The following NALF1 variants were observed in gnomAD, a reference collection of about 807,000 sequenced individuals.
The protein encoded by NALF1 is family with sequence similarity 155 member A.
Under a neutral mutation model 48.4 loss-of-function variants are expected in NALF1, and 3 were observed. The observed-to-expected ratio is 0.06, with a 90% CI of 0.03 to 0.16. The LOEUF (loss-of-function observed/expected upper bound fraction) is 0.16, where lower values mean the gene tolerates loss of function less well. Among genes scored for constraint, NALF1 ranks in the 10% least tolerant of loss-of-function variants. The pLI, the probability that NALF1 is intolerant of heterozygous loss-of-function variation, is 1.00. For missense variants in NALF1, 526 were observed against 571.5 expected (o/e 0.92, Z 0.81); for synonymous variants, 262 against 245.7 (o/e 1.07, Z -0.62).
At chr13:107,824,598 C>A (rs1239895213) in intron 1 of NALF1, among the ~76,000 whole-genome samples, 2 of 152,150 alleles carry the variant, frequency 1.3e-5, no homozygotes, top group Non-Finnish European at 2.9e-5. Context: ...CTGTACTAAT[C>A]CAGATTGAGG....
chr13:107,795,261 A>C (rs1037248426), intron 1 of NALF1, among the ~76,000 whole-genome samples: 1 of 152,160 alleles, frequency 6.6e-6, no homozygotes, highest in Admixed American at 6.6e-5. Flanking sequence ...CAACAACCAA[A>C]AACAAACAAA....
chr13:107,442,780 T>TA, intron 1 of NALF1, among the ~76,000 whole-genome samples: 1 of 152,298 alleles, frequency 6.6e-6, no homozygotes, highest in Non-Finnish European at 1.5e-5. Flanking sequence ...AATGCTGGTG[T>TA]AAAAAAGTGA....
rs970430456 is a variant in NALF1, at chr13:107,407,263, A to G, written c.916-196508T>C. Among the ~76,000 whole-genome samples, 3 of 152,154 alleles carry G rather than the reference A, an allele frequency of 2.0e-5. No homozygotes were observed. In the South Asian group the frequency reaches 6.2e-4, roughly 32 times the overall value. ...TAACAAAAGCAAAAATGAACAAATGAGATCATATCAAGTTTAAAAGCTGCA... is the reference window on the plus strand; with the variant it reads ...TAACAAAAGCAAAAATGAACAAATGGGATCATATCAAGTTTAAAAGCTGCA... On this transcript the variant is annotated intron_variant, in intron 1 of 2. Transcript: ENST00000375915.
chr13:107,836,488 A>C (rs143691131), intron 1 of NALF1, among the ~76,000 whole-genome samples: 32 of 152,326 alleles, frequency 2.1e-4, no homozygotes, highest in African/African-American at 6.0e-4. Flanking sequence ...ATCATTAAAA[A>C]TGAGGAATTT....
intron 1 of NALF1, among the ~76,000 whole-genome samples, chr13:107,838,979 C>T (rs1879977768): frequency 6.6e-6 from 1 of 152,150 alleles, no homozygotes; most frequent in African/African-American, 2.4e-5. Flanking sequence ...TCCCCCTCAC[C>T]TGCAGGGGCC....
At chr13:107,715,219 T>G (rs77109186) in intron 1 of NALF1, among the ~76,000 whole-genome samples, 2 of 152,018 alleles carry the variant, frequency 1.3e-5, no homozygotes, top group African/African-American at 4.8e-5. Flanking sequence ...TTTTTTTTTT[T>G]GAAACAGAGT....
At chr13:107,612,572 C>T (rs149377650) in intron 1 of NALF1, among the ~76,000 whole-genome samples, 3,061 of 152,100 alleles carry the variant, frequency 0.02, 55 homozygotes, top group Non-Finnish European at 0.035. Context: ...GGGCCTTGTG[C>T]GATCAGTTGA....
At chr13:107,520,277 T>C (rs1185733310) in intron 1 of NALF1, among the ~76,000 whole-genome samples, 1 of 152,224 alleles carries the variant, frequency 6.6e-6, no homozygotes, top group Non-Finnish European at 1.5e-5. Context: ...GAAGATTTTC[T>C]GTTCTAAGAG....
chr13:107,499,909 A>G (rs776836788), intron 1 of NALF1, among the ~76,000 whole-genome samples: 51 of 152,124 alleles, frequency 3.4e-4, no homozygotes, highest in African/African-American at 1.2e-3. Context: ...AGACAACTCT[A>G]TTGTTTCTCT....
chr13:107,600,145 A>G (rs1747450904), intron 1 of NALF1, among the ~76,000 whole-genome samples: 1 of 152,290 alleles, frequency 6.6e-6, no homozygotes, highest in East Asian at 1.9e-4. Flanking sequence ...AGGTAAGAAA[A>G]TCACCATGGC....
At position 107,742,749 on chromosome 13, in the gene NALF1, T is replaced by C. The variant is rs1472130974; in HGVS notation, c.915+122933A>G. 2.0e-5 allele frequency among the ~76,000 whole-genome samples: 3 copies of C among 152,202 alleles called. No homozygotes were observed. The East Asian group carries it at 5.8e-4, about 29-fold the overall frequency. On this transcript the variant is annotated intron_variant, in intron 1 of 2. Transcript: ENST00000375915. ...TTGCAGATCTTTTCTCACTAGAGTG[T>C]GGTAAGCTCTATGTGAGCAGATGCC...
chr13:107,725,461 A>G (rs1171300687), intron 1 of NALF1, among the ~76,000 whole-genome samples: 2 of 152,218 alleles, frequency 1.3e-5, no homozygotes, highest in South Asian at 4.1e-4. Context: ...TAATCCCAAC[A>G]CTTTGGGAGA....
At position 107,865,931 on chromosome 13, in the gene NALF1, G is replaced by A. The variant is rs1032243546; in HGVS notation, c.666C>T (p.Tyr222=). ...PTPLWNLSDF[Y]LSFCNSYTLW... ...GTGTGTAGGAATTACAAAACGAAAG[G>A]TAAAAATCCGACAAGTTCCAGAGCG... is the stretch of plus-strand genomic sequence containing the variant. Residue 222 remains tyrosine (Y), a synonymous_variant, in exon 1 of 3, where the codon TAC becomes TAT. Coordinates refer to ENST00000375915, the MANE Select transcript of NALF1 (RefSeq NM_001080396.3). The A allele has an allele frequency of 2.5e-6, 4 of 1,613,898 alleles. No individual in the cohort carries two copies. Among genetic ancestry groups the A allele is most frequent in the Non-Finnish European group, 3.4e-6 (4 of 1,180,016 alleles).
intron 1 of NALF1, among the ~76,000 whole-genome samples, chr13:107,431,109 T>A (rs1369284253): frequency 6.6e-6 from 1 of 152,220 alleles, no homozygotes; most frequent in African/African-American, 2.4e-5. Flanking sequence ...TTTTGAGAAG[T>A]GTCTGTTCAT....
At chr13:107,623,378 T>A (rs1300390896) in intron 1 of NALF1, among the ~76,000 whole-genome samples, 1 of 151,754 alleles carries the variant, frequency 6.6e-6, no homozygotes, top group Non-Finnish European at 1.5e-5. Context: ...TTAGGTTATT[T>A]AAGGTGACAG....
chr13:107,387,622 G>A (rs764127002), intron 1 of NALF1, among the ~76,000 whole-genome samples: 1 of 152,108 alleles, frequency 6.6e-6, no homozygotes, highest in African/African-American at 2.4e-5. Flanking sequence ...CTTCTGATCC[G>A]AGATGAGAGT....
intron 1 of NALF1, among the ~76,000 whole-genome samples, chr13:107,415,052 A>G (rs1884062121): frequency 6.6e-6 from 1 of 152,190 alleles, no homozygotes; most frequent in Non-Finnish European, 1.5e-5. Flanking sequence ...TTTAAAATCA[A>G]CATTAAGCAA....
chr13:107,708,495 A>C lies in NALF1; in HGVS notation c.915+157187T>G, dbSNP rs113388887. Among the ~76,000 whole-genome samples the C allele has an allele frequency of 4.7e-3, 711 of 152,262 alleles. 4 individuals carry two copies. Among genetic ancestry groups the C allele is most frequent in the African/African-American group, 0.016 (661 of 41,554 alleles). ...ATATCTGGGGTAGGACTAGTATATA[A>C]ATAATATTAATAAAAGACAAGCTGT... On this transcript the variant is annotated intron_variant, in intron 1 of 2. Transcript: ENST00000375915.
intron 1 of NALF1, among the ~76,000 whole-genome samples, chr13:107,624,439 A>T (rs1008009712): frequency 6.6e-6 from 1 of 152,176 alleles, no homozygotes; most frequent in African/African-American, 2.4e-5. Context: ...GAAACTCCTT[A>T]ATCTGTAGTT....
Sources: allele counts gnomAD v4.1 joint callset (sites outside exome capture counted in the v4.1 genomes callset), GRCh38; gene constraint gnomAD v4.1.1; transcripts MANE v1.5; gene names NCBI Gene and HGNC (gene_info 2026-07-23, HGNC 2026-07-21).